Variants in LRRC4B observed in about 807,000 individuals in gnomAD.
LRRC4B encodes leucine-rich repeat-containing protein 4B.
A neutral mutation model predicts 7.3 loss-of-function variants in LRRC4B; 1 was observed. That is an observed-to-expected ratio of 0.14 (90% CI 0.05 to 0.65). The LOEUF (loss-of-function observed/expected upper bound fraction) is 0.65, where lower values mean the gene tolerates loss of function less well. Ranked by LOEUF, LRRC4B falls within the 30% of genes least tolerant of loss-of-function variation. The pLI, the probability that LRRC4B is intolerant of heterozygous loss-of-function variation, is 0.84. For synonymous variants in LRRC4B, 500 were observed against 499.2 expected (o/e 1.00, Z -0.02); for missense variants, 730 against 1,041.6 (o/e 0.70, Z 4.12).
rs924580300 is a variant in LRRC4B, at chr19:50,562,202, C to G, written c.-36+5742G>C. ...CCTCTCTTGGCCTCAGTTTCCCCCT[C>G]TGTAAACTGGGAGTCTCATGGAGGG... is the stretch of plus-strand genomic sequence containing the variant. On this transcript the variant is annotated intron_variant, in intron 1 of 2. Coordinates refer to ENST00000652263, the MANE Select transcript of LRRC4B (RefSeq NM_001080457.2). 3.9e-5 allele frequency among the ~76,000 whole-genome samples: 6 copies of G among 152,204 alleles called. No homozygotes were observed. The East Asian group carries it at 1.2e-3, about 29-fold the overall frequency.
At chr19:50,560,869 G>T (rs575712944) in intron 1 of LRRC4B, among the ~76,000 whole-genome samples, 1 of 152,040 alleles carries the variant, frequency 6.6e-6, no homozygotes, top group African/African-American at 2.4e-5. Flanking sequence ...CGGGCGGATC[G>T]CTTGAGGTCA....
intron 2 of LRRC4B, among the ~76,000 whole-genome samples, chr19:50,530,651 C>T (rs976781621): frequency 4.6e-5 from 7 of 152,194 alleles, no homozygotes; most frequent in African/African-American, 1.7e-4. Flanking sequence ...TGAGGTGAGA[C>T]TCACTCCGCT....
At position 50,519,058 on chromosome 19, in the gene LRRC4B, G is replaced by C. The variant is rs768160745; in HGVS notation, c.655C>G (p.Leu219Val). ...GCCGTCAGGTTGGGGATGTCCTTGA[G>C]GTTGCACATGCCCAGGTTGAGGTAG... ...LRYLNLGMCN[L>V]KDIPNLTALV... The change falls in exon 3 of 3, where the codon CTC becomes GTC. Residue 219 changes from leucine to valine, a missense_variant. Around this residue, in one of 6 missense-constraint regions of LRRC4B, gnomAD observed 226 missense variants for 448.0 expected, o/e 0.50. Coordinates refer to ENST00000652263, the MANE Select transcript of LRRC4B (RefSeq NM_001080457.2). This position sits in a 1 kb window ranked among gnomAD's most constrained non-coding sequence, Gnocchi z 8.1. 2.5e-6 allele frequency: 4 copies of C among 1,609,678 alleles called. No individual in the cohort carries two copies. The Admixed American group carries it at 6.7e-5, about 27-fold the overall frequency.
rs769658040 is a variant in LRRC4B, at chr19:50,517,669, C to T, written c.2044G>A (p.Gly682Ser). 5.9e-6 allele frequency: 9 copies of T among 1,527,962 alleles called. No individual in the cohort carries two copies. Among genetic ancestry groups the T allele is most frequent in the South Asian group, 2.5e-5 (2 of 79,546 alleles). 94.7% of individuals were successfully genotyped at this position (1,527,962 alleles called of 1,614,324 possible). ...AHYSSNPSGG[G>S]CGGKGPPGLN... ...CCAGGCGGGCCTTTGCCCCCGCAGCCCCCGCCGCTGGGGTTGCTGCTGTAG... is the reference window on the plus strand; with the variant it reads ...CCAGGCGGGCCTTTGCCCCCGCAGCTCCCGCCGCTGGGGTTGCTGCTGTAG... Residue 682 changes from glycine (G) to serine (S), a missense_variant, in exon 3 of 3, where the codon GGC becomes AGC. Gly to Ser is a moderately conservative substitution (Grantham distance 56, BLOSUM62 0). Coordinates refer to ENST00000652263, the MANE Select transcript of LRRC4B (RefSeq NM_001080457.2). This position sits in a 1 kb window ranked among gnomAD's most constrained non-coding sequence, Gnocchi z 6.6.
At chr19:50,525,049 G>T (rs1278175366) in intron 2 of LRRC4B, among the ~76,000 whole-genome samples, 1 of 152,208 alleles carries the variant, frequency 6.6e-6, no homozygotes, top group African/African-American at 2.4e-5. Flanking sequence ...TCCCCGTCTC[G>T]CTCGGCCACC....
rs78651217 is a variant in LRRC4B, at chr19:50,530,073, C to T, written c.298-10658G>A. Among the ~76,000 whole-genome samples the T allele has an allele frequency of 9.0e-3, 1,372 of 152,238 alleles. 25 individuals carry two copies. The highest frequency in any genetic ancestry group is 0.031 in the African/African-American group (1,283 of 41,546). On this transcript the variant is annotated intron_variant, in intron 2 of 2. Coordinates refer to ENST00000652263, the MANE Select transcript of LRRC4B (RefSeq NM_001080457.2). ...CCAGCAGGGCCAGGTGGCTTCATGC[C>T]TTTTAATGCCTTGCAGCGCACTCCC...
At chr19:50,545,358 A>G (rs1453328355) in intron 2 of LRRC4B, among the ~76,000 whole-genome samples, 3 of 149,250 alleles carry the variant, frequency 2.0e-5, no homozygotes, top group African/African-American at 7.4e-5. Flanking sequence ...CGGTGAGCCG[A>G]GATCACGCCA....
At chr19:50,567,711 A>G (rs756493503) in intron 1 of LRRC4B, among the ~76,000 whole-genome samples, 492 of 110,742 alleles carry the variant, frequency 4.4e-3, no homozygotes, top group Non-Finnish European at 6.2e-3. Flanking sequence ...CAGCGGCGAC[A>G]ACCACCCCCC....
chr19:50,521,202 C>T (rs952224683), intron 2 of LRRC4B, among the ~76,000 whole-genome samples: 1 of 152,046 alleles, frequency 6.6e-6, no homozygotes, highest in Non-Finnish European at 1.5e-5. Context: ...GGAGCCGGTG[C>T]GGTGGATCCG....
In LRRC4B at chr19:50,564,611, G is replaced by A. The variant is rs116914593; in HGVS notation, c.-36+3333C>T. ...ACATTGGGGGCTGGGAGGGCAAAGG[G>A]TCAGTCCCAGGGAAGATGAGGGGAG... is the stretch of plus-strand genomic sequence containing the variant. On this transcript the variant is annotated intron_variant, in intron 1 of 2. Transcript: ENST00000652263. Among the ~76,000 whole-genome samples, 12 of 152,198 alleles carry A rather than the reference G, an allele frequency of 7.9e-5. No homozygotes were observed. In the East Asian group the frequency reaches 2.3e-3, roughly 29 times the overall value.
Position 50,517,690 on chromosome 19 carries a change from T to G in LRRC4B, c.2023A>C (p.Ser675Arg). The change falls in exon 3 of 3, where the codon AGC (serine) becomes CGC (arginine). Residue 675 changes from serine to arginine, a missense_variant. By Grantham distance (110) the Ser-to-Arg change is moderately radical. Transcript: ENST00000652263. The surrounding 1 kb of genome is among the most constrained non-coding windows in gnomAD (Gnocchi z 6.6). The part of the protein sequence containing the change: ...YVAAAFKAHY[S>R]SNPSGGGCGG... ...CAGCCCCCGCCGCTGGGGTTGCTGC[T>G]GTAGTGCGCCTTGAAGGCGGCAGCC... is the stretch of plus-strand genomic sequence containing the variant. 6.5e-7 allele frequency: 1 copy of G among 1,549,356 alleles called. No homozygotes were observed. The highest frequency in any genetic ancestry group is 8.7e-7 in the Non-Finnish European group (1 of 1,150,380).
intron 2 of LRRC4B, among the ~76,000 whole-genome samples, chr19:50,540,449 G>A (rs1189182547): frequency 2.0e-5 from 3 of 152,170 alleles, no homozygotes; most frequent in East Asian, 3.9e-4. Flanking sequence ...TACAACCTCC[G>A]CCTCTCGGGT....
intron 2 of LRRC4B, among the ~76,000 whole-genome samples, chr19:50,540,631 C>T (rs1370574311): frequency 6.6e-6 from 1 of 151,946 alleles, no homozygotes; most frequent in African/African-American, 2.4e-5. Flanking sequence ...ACTGGGGTTA[C>T]AGGCGTGAGG....
rs1339515956 is a variant in LRRC4B at position 50,553,585 on chromosome 19, C to G, written c.-35-4712G>C. 6.6e-6 allele frequency among the ~76,000 whole-genome samples: 1 copy of G among 152,228 alleles called. No homozygotes were observed. Among genetic ancestry groups the G allele is most frequent in the Admixed American group, 6.5e-5 (1 of 15,278 alleles). ...AATGCTACCTTCTCAGTGAGGCCGT[C>G]CTGACCGCCCCGCATCAAACAGCAC... On this transcript the variant is annotated intron_variant, in intron 1 of 2. Coordinates refer to ENST00000652263, the MANE Select transcript of LRRC4B (RefSeq NM_001080457.2). The surrounding 1 kb of genome is among the most constrained non-coding windows in gnomAD (Gnocchi z 4.2).
intron 2 of LRRC4B, among the ~76,000 whole-genome samples, chr19:50,526,529 T>C (rs919617620): frequency 2.6e-5 from 4 of 152,032 alleles, no homozygotes; most frequent in Non-Finnish European, 1.5e-5. Context: ...AATGAAGGAC[T>C]CCACCGCCTC....
intron 1 of LRRC4B, among the ~76,000 whole-genome samples, chr19:50,549,499 T>G (rs1981963132): frequency 1.3e-5 from 2 of 151,950 alleles, no homozygotes; most frequent in Non-Finnish European, 2.9e-5. Context: ...GACCCTCCGC[T>G]GCACACCCTC....
intron 1 of LRRC4B, among the ~76,000 whole-genome samples, chr19:50,551,316 G>T (rs978729366): frequency 2.0e-5 from 3 of 151,034 alleles, no homozygotes; most frequent in Non-Finnish European, 1.5e-5. Context: ...TGCTGGGGGG[G>T]GCGCAGGGGC....
chr19:50,548,939 T>G lies in LRRC4B; in HGVS notation c.-35-66A>C. The G allele has an allele frequency of 1.2e-6, 1 of 868,444 alleles. No homozygotes were observed. 53.8% of individuals were successfully genotyped at this position (868,444 alleles called of 1,614,324 possible). On this transcript the variant is annotated intron_variant, in intron 1 of 2. Coordinates refer to ENST00000652263, the MANE Select transcript of LRRC4B (RefSeq NM_001080457.2). The surrounding 1 kb of genome is among the most constrained non-coding windows in gnomAD (Gnocchi z 6.8). The stretch of plus-strand genomic sequence containing the variant: ...ACAGGAGCCCATGTGGCCTGGGTGC[T>G]TGCCAACACCCAGGCAGCCCCATCG...
intron 2 of LRRC4B, among the ~76,000 whole-genome samples, chr19:50,525,045 T>A (rs1980744837): frequency 6.6e-6 from 1 of 152,272 alleles, no homozygotes; most frequent in African/African-American, 2.4e-5. Flanking sequence ...CCCCTCCCCG[T>A]CTCGCTCGGC....
Sources: gnomAD v4.1 joint callset for allele counts (sites outside exome capture counted in the v4.1 genomes callset) on GRCh38, gnomAD v4.1.1 for gene constraint, gnomAD v4.1.1 regional missense constraint, Gnocchi (gnomAD v3.1) non-coding constraint, MANE v1.5 for transcripts, NCBI Gene and HGNC (gene_info 2026-07-23, HGNC 2026-07-21) for gene names.